The following ANAPC16 variants were observed in gnomAD, a reference collection of about 807,000 sequenced individuals.
ANAPC16 encodes anaphase-promoting complex subunit 16.
A neutral mutation model predicts 13.1 loss-of-function variants in ANAPC16; 6 were observed. The observed-to-expected ratio is 0.46, with a 90% CI of 0.25 to 0.90. The LOEUF (loss-of-function observed/expected upper bound fraction) is 0.90, where lower values mean the gene tolerates loss of function less well. Among genes scored for constraint, ANAPC16 ranks in the 40% least tolerant of loss-of-function variants. ANAPC16 has a pLI of 0.18. For synonymous variants in ANAPC16, 55 were observed against 51.3 expected, an observed-to-expected ratio of 1.07 and a Z score of -0.31; for missense variants, 113 against 131.1, an observed-to-expected ratio of 0.86 and a Z score of 0.67.
chr10:72,216,753 A>C (rs920942136), intron 1 of ANAPC16: 2 of 452,052 alleles, frequency 4.4e-6, no homozygotes, highest in Non-Finnish European at 4.5e-6. Flanking sequence ...TAGCTCGGAC[A>C]CAGCAATCTG....
intron 1 of ANAPC16, chr10:72,220,072 G>GTA (rs1484022098): frequency 6.6e-6 from 1 of 152,176 alleles, no homozygotes; most frequent in African/African-American, 2.4e-5. Flanking sequence ...GCTCACGCCT[G>GTA]TAATCCCAGC....
intron 2 of ANAPC16, among the ~76,000 whole-genome samples, chr10:72,228,086 A>G (rs1185366680): frequency 2.6e-5 from 4 of 152,166 alleles, no homozygotes; most frequent in East Asian, 3.9e-4. Context: ...GTCAAGAGTA[A>G]GGAACAAAAG....
Position 72,233,959 on chromosome 10 carries a change from T to C in ANAPC16, c.*843T>C, listed in dbSNP as rs1180737018. ...TGGTAGACTGGCTTTACTTAAGGGA[T>C]ATTTGTCTTTATAGGAGTACATAAA... On this transcript the variant is annotated 3_prime_UTR_variant, in exon 4 of 4. Coordinates refer to ENST00000299381, the MANE Select transcript of ANAPC16 (RefSeq NM_173473.4). 2 of 152,260 alleles carry C rather than the reference T, an allele frequency of 1.3e-5. No individual in the cohort carries two copies. The highest frequency in any genetic ancestry group is 2.9e-5 in the Non-Finnish European group (2 of 68,012). The allele number at this position is 152,260 out of a possible 1,614,324, so 9.4% of individuals were successfully genotyped here.
At chr10:72,228,153 TA>T (rs1420475557) in intron 2 of ANAPC16, among the ~76,000 whole-genome samples, 1 of 152,222 alleles carries the variant, frequency 6.6e-6, no homozygotes, top group Non-Finnish European at 1.5e-5. Flanking sequence ...AACTTGATGT[TA>T]CATCCTTGTG....
At chr10:72,217,281 T>C (rs1029657210) in intron 1 of ANAPC16, 37 of 337,226 alleles carry the variant, frequency 1.1e-4, no homozygotes, top group African/African-American at 5.6e-4. Context: ...GAGACCATCC[T>C]GGCTAACACG....
intron 1 of ANAPC16, among the ~76,000 whole-genome samples, chr10:72,216,635 T>G (rs992667695): frequency 1.3e-5 from 2 of 152,128 alleles, no homozygotes; most frequent in Admixed American, 1.3e-4. Flanking sequence ...GAATTACTCT[T>G]TTTAAGAAAA....
rs1564795899 is a variant in ANAPC16, at chr10:72,233,022, A to G, written c.239A>G (p.Glu80Gly). 2 of 1,614,082 alleles carry G rather than the reference A, an allele frequency of 1.2e-6. No individual in the cohort carries two copies. The highest frequency in any genetic ancestry group is 1.3e-5 in the African/African-American group (1 of 74,942). Residue 80 changes from glutamate (E) to glycine (G), a missense_variant, in exon 4 of 4, where the codon GAA (glutamate) becomes GGA (glycine). Glu to Gly is a moderately conservative substitution (Grantham distance 98). Coordinates refer to ENST00000299381, the MANE Select transcript of ANAPC16 (RefSeq NM_173473.4). ...VKHDQQVARMEKLAGLVEELE... is the reference protein window; with the variant it reads ...VKHDQQVARMGKLAGLVEELE... ...ACAGATCAGCAAGTTGCTCGGATGG[A>G]AAAACTAGCTGGTTTGGTAGAAGAG...
intron 2 of ANAPC16, among the ~76,000 whole-genome samples, chr10:72,224,983 A>G (rs1370932683): frequency 6.6e-6 from 1 of 152,152 alleles, no homozygotes; most frequent in Non-Finnish European, 1.5e-5. Flanking sequence ...CAAAGAGGTT[A>G]CTTAAAATGC....
intron 3 of ANAPC16, among the ~76,000 whole-genome samples, chr10:72,231,231 T>G (rs1248896300): frequency 6.6e-6 from 1 of 152,076 alleles, no homozygotes; most frequent in African/African-American, 2.4e-5. Flanking sequence ...GGATGAGTAC[T>G]TTTTTTAGGA....
Position 72,221,113 on chromosome 10 carries a change from G to A in ANAPC16, c.-27-2775G>A, listed in dbSNP as rs142697216. ...TGTATTTTAATAGAGATGGAGTTTC[G>A]CCATGTTTACCAGGCTAGTCTTGAA... is the stretch of plus-strand genomic sequence containing the variant. On this transcript the variant is annotated intron_variant, in intron 1 of 3. Coordinates refer to ENST00000299381, the MANE Select transcript of ANAPC16 (RefSeq NM_173473.4). Among the ~76,000 whole-genome samples, 923 of 152,086 alleles carry A rather than the reference G, an allele frequency of 6.1e-3. 11 individuals carry two copies. The highest frequency in any genetic ancestry group is 0.021 in the African/African-American group (870 of 41,514).
At position 72,224,008 on chromosome 10, in the gene ANAPC16, C is replaced by T. The variant is rs1413665651; in HGVS notation, c.94C>T (p.Arg32Trp). The T allele has an allele frequency of 1.9e-6, 3 of 1,611,618 alleles. No homozygotes were observed. The highest frequency in any genetic ancestry group is 2.7e-5 in the African/African-American group (2 of 74,888). The change falls in exon 2 of 4, where the codon CGG (arginine) becomes TGG (tryptophan). Residue 32 changes from arginine (R) to tryptophan (W), a missense_variant. Transcript: ENST00000299381. ...CAGTGTCTCAGACCTTGCCCCACCACGGAAAGCCCTTTTCACCTACCCCAA... is the reference window on the plus strand; with the variant it reads ...CAGTGTCTCAGACCTTGCCCCACCATGGAAAGCCCTTTTCACCTACCCCAA... ...GFSVSDLAPP[R>W]KALFTYPKGA...
chr10:72,221,704 G>A (rs1406715810), intron 1 of ANAPC16, among the ~76,000 whole-genome samples: 1 of 146,134 alleles, frequency 6.8e-6, no homozygotes. Context: ...GACTACAGGC[G>A]CCCACCACCA....
chr10:72,230,566 C>T, intron 3 of ANAPC16, 126 bp downstream of exon 3: 2 of 781,864 alleles, frequency 2.6e-6, no homozygotes, highest in South Asian at 1.6e-5. Flanking sequence ...AAAGAACATT[C>T]TAGGTCTTAA....
chr10:72,229,133 G>T (rs1391750902), intron 2 of ANAPC16, among the ~76,000 whole-genome samples: 1 of 150,084 alleles, frequency 6.7e-6, no homozygotes, highest in African/African-American at 2.5e-5. Flanking sequence ...TTTTTTTTTT[G>T]AGACTGAGTT....
chr10:72,230,996 C>G (rs974343609), intron 3 of ANAPC16, among the ~76,000 whole-genome samples: 2 of 152,176 alleles, frequency 1.3e-5, no homozygotes, highest in Admixed American at 6.5e-5. Flanking sequence ...CCACTGGTTA[C>G]CATCATCATC....
At chr10:72,216,739 A>G in intron 1 of ANAPC16, 2 of 441,732 alleles carry the variant, frequency 4.5e-6, no homozygotes, top group Non-Finnish European at 9.1e-6. Flanking sequence ...ATGTTTAAGC[A>G]TCTTAGCTCG....
At chr10:72,221,365 G>A (rs529558778) in intron 1 of ANAPC16, among the ~76,000 whole-genome samples, 27 of 151,872 alleles carry the variant, frequency 1.8e-4, no homozygotes, top group African/African-American at 6.3e-4. Flanking sequence ...AGCCACATGT[G>A]GCTACTTAAA....
Position 72,233,045 on chromosome 10 carries a change from G to C in ANAPC16, c.262G>C (p.Glu88Gln). The change falls in exon 4 of 4, where the codon GAG (glutamate) becomes CAG (glutamine). Residue 88 changes from glutamate to glutamine, a missense_variant. Transcript: ENST00000299381. ...GGAAAAACTAGCTGGTTTGGTAGAA[G>C]AGCTGGAGGCTGACGAGTGGCGGTT... ...RMEKLAGLVE[E>Q]LEADEWRFKP... The C allele has an allele frequency of 6.2e-7, 1 of 1,614,240 alleles. No homozygotes were observed. Among genetic ancestry groups the C allele is most frequent in the African/African-American group, 1.3e-5 (1 of 75,074 alleles).
chr10:72,223,884 G>C lies in ANAPC16; in HGVS notation c.-27-4G>C. ...TGCCAATTGCTGTTTTTCTTTCTCT[G>C]TAGTGAAGTAAGAACTCTGCTAGAG... On this transcript the variant is annotated splice_polypyrimidine_tract_variant and splice_region_variant and intron_variant, in intron 1 of 3. Transcript: ENST00000299381. 1.3e-6 allele frequency: 2 copies of C among 1,523,196 alleles called. No individual in the cohort carries two copies. The highest frequency in any genetic ancestry group is 1.8e-6 in the Non-Finnish European group (2 of 1,123,200). The allele number at this position is 1,523,196 out of a possible 1,614,324, so 94.4% of individuals were successfully genotyped here. A position where few individuals can be genotyped will look rare whatever the true frequency, so the allele number is the denominator to read the frequency against.
Sources: gnomAD v4.1 joint callset for allele counts (sites outside exome capture counted in the v4.1 genomes callset) on GRCh38, gnomAD v4.1.1 for gene constraint, MANE v1.5 for transcripts, NCBI Gene and HGNC (gene_info 2026-07-23, HGNC 2026-07-21) for gene names.